FAM174B: variants seen among roughly 807,000 people sequenced by gnomAD.
The protein encoded by FAM174B is membrane protein FAM174B.
In FAM174B, 12 loss-of-function variants were observed where a neutral mutation model predicts 10.9. The ratio of observed to expected loss-of-function variants is 1.10; its 90% CI spans 0.71 to 1.79. The LOEUF is 1.79. FAM174B is among the 40% of genes most tolerant of loss of function. FAM174B has a pLI of 0.00. For missense variants in FAM174B, 266 were observed against 233.3 expected, an observed-to-expected ratio of 1.14 and a Z score of -0.91; for synonymous variants, 132 against 115.8, an observed-to-expected ratio of 1.14 and a Z score of -0.90.
At chr15:92,644,641 G>A (rs1353783981) in intron 1 of FAM174B, among the ~76,000 whole-genome samples, 1 of 152,124 alleles carries the variant, frequency 6.6e-6, no homozygotes, top group Non-Finnish European at 1.5e-5. Flanking sequence ...AAGCACCATG[G>A]CTCAACATAC....
intron 1 of FAM174B, among the ~76,000 whole-genome samples, 151 bp from the exon 2 acceptor site, chr15:92,630,496 C>T (rs532443404): frequency 6.6e-6 from 1 of 151,976 alleles, no homozygotes; most frequent in East Asian, 1.9e-4. Context: ...TGATGGAAGG[C>T]AAACCACACT....
chr15:92,640,462 G>C (rs2050883183), intron 1 of FAM174B, among the ~76,000 whole-genome samples: 1 of 136,102 alleles, frequency 7.3e-6, no homozygotes, highest in South Asian at 2.4e-4. Flanking sequence ...TGAGGCAAGA[G>C]AATTGCTTGA....
At chr15:92,653,950 C>G (rs1398968783) in intron 1 of FAM174B, among the ~76,000 whole-genome samples, 1 of 152,136 alleles carries the variant, frequency 6.6e-6, no homozygotes, top group Non-Finnish European at 1.5e-5. Context: ...AGTTTGTAAA[C>G]AGAGGATTGA....
chr15:92,621,260 A>G (rs1180926770), intron 2 of FAM174B, among the ~76,000 whole-genome samples: 1 of 152,216 alleles, frequency 6.6e-6, no homozygotes, highest in Non-Finnish European at 1.5e-5. Context: ...GGTGTTCCCT[A>G]CGCTATTTTT....
At chr15:92,631,874 G>C (rs150682774) in intron 1 of FAM174B, among the ~76,000 whole-genome samples, 1 of 152,294 alleles carries the variant, frequency 6.6e-6, no homozygotes, top group East Asian at 1.9e-4. Context: ...AATGAGGACC[G>C]GGTTTGTCAC....
At chr15:92,643,370 G>GTGTA (rs1319051264) in intron 1 of FAM174B, among the ~76,000 whole-genome samples, 8 of 151,824 alleles carry the variant, frequency 5.3e-5, no homozygotes, top group African/African-American at 7.3e-5. Context: ...GTGTGTGTGT[G>GTGTA]TGTGTGTATG....
At chr15:92,638,797 G>A (rs2050872097) in intron 1 of FAM174B, among the ~76,000 whole-genome samples, 1 of 152,160 alleles carries the variant, frequency 6.6e-6, no homozygotes, top group South Asian at 2.1e-4. Context: ...ATCGCAACCA[G>A]GCTGGGTTTT....
intron 1 of FAM174B, among the ~76,000 whole-genome samples, chr15:92,644,502 C>G (rs541801349): frequency 6.6e-6 from 1 of 152,206 alleles, no homozygotes; most frequent in South Asian, 2.1e-4. Context: ...CCAGCTCCGG[C>G]AGAACCCTCC....
intron 1 of FAM174B, among the ~76,000 whole-genome samples, chr15:92,654,104 T>C (rs891712832): frequency 5.3e-5 from 8 of 152,192 alleles, no homozygotes; most frequent in Non-Finnish European, 8.8e-5. Flanking sequence ...CTTTCTCCAT[T>C]TTCTCAGACC....
Position 92,619,100 on chromosome 15 carries a change from T to C in FAM174B, c.*356A>G, listed in dbSNP as rs1372258151. On this transcript the variant is annotated 3_prime_UTR_variant, in exon 3 of 3. Transcript: ENST00000327355. Reference sequence around the variant, plus strand: ...TTTTAGATTCTTGATCCTCCTGATCTCTTTTACTATTGTCAACAATTGTCT... The same window carrying C: ...TTTTAGATTCTTGATCCTCCTGATCCCTTTTACTATTGTCAACAATTGTCT... 1.6e-6 allele frequency: 1 copy of C among 644,348 alleles called. No individual in the cohort carries two copies. Among genetic ancestry groups the C allele is most frequent in the Non-Finnish European group, 2.8e-6 (1 of 358,758 alleles). 39.9% of individuals were successfully genotyped at this position (644,348 alleles called of 1,614,324 possible). A position where few individuals can be genotyped will look rare whatever the true frequency, so the allele number is the denominator to read the frequency against.
intron 1 of FAM174B, among the ~76,000 whole-genome samples, chr15:92,636,109 GCTCT>G (rs2050854479): frequency 6.6e-6 from 1 of 152,128 alleles, no homozygotes; most frequent in African/African-American, 2.4e-5. Context: ...ACCAAGTCTG[GCTCT>G]CTCTTCTCTA....
At chr15:92,644,311 A>G (rs1254626394) in intron 1 of FAM174B, among the ~76,000 whole-genome samples, 1 of 151,958 alleles carries the variant, frequency 6.6e-6, no homozygotes, top group Admixed American at 6.6e-5. Context: ...GCTCCACCCG[A>G]CACCTTCCAC....
In FAM174B at chr15:92,627,306, TTG is replaced by T. The variant is rs1444960349; in HGVS notation, c.476+2906_476+2907del. On this transcript the variant is annotated intron_variant, in intron 2 of 2. Transcript: ENST00000327355. ...TACCAGGTGGTTTACCTTTAGTAGT[TTG>T]TTTGTTTCACAGCCAGCAGCAATGC... 3 of 165,020 alleles carry T rather than the reference TTG, an allele frequency of 1.8e-5. No homozygotes were observed. In the East Asian group the frequency reaches 5.8e-4, roughly 32 times the overall value. 10.2% of individuals were successfully genotyped at this position (165,020 alleles called of 1,614,324 possible). A position where few individuals can be genotyped will look rare whatever the true frequency, so the allele number is the denominator to read the frequency against.
At chr15:92,629,851 A>C (rs536303954) in intron 2 of FAM174B, among the ~76,000 whole-genome samples, 1 of 152,244 alleles carries the variant, frequency 6.6e-6, no homozygotes, top group Non-Finnish European at 1.5e-5. Context: ...AATAAGTCTC[A>C]CAAGACCTGA....
intron 2 of FAM174B, among the ~76,000 whole-genome samples, chr15:92,626,008 C>T (rs2050749907): frequency 6.6e-6 from 1 of 152,072 alleles, no homozygotes; most frequent in African/African-American, 2.4e-5. Flanking sequence ...GACTTGGGAG[C>T]AGGGACAGGG....
At chr15:92,620,535 C>T (rs773996855) in intron 2 of FAM174B, among the ~76,000 whole-genome samples, 4 of 151,590 alleles carry the variant, frequency 2.6e-5, no homozygotes, top group Admixed American at 6.6e-5. Context: ...AAATCTGTGG[C>T]CAGGCTTGGT....
intron 2 of FAM174B, chr15:92,619,693 C>T (rs1255399841): frequency 8.5e-6 from 5 of 586,842 alleles, no homozygotes; most frequent in East Asian, 2.8e-5. Flanking sequence ...CACACAGACT[C>T]CCTAGAACAC....
rs373539667 is a variant in FAM174B at position 92,655,423 on chromosome 15, G to A, written c.237C>T (p.Thr79=). Residue 79 remains threonine (T), a synonymous_variant, in exon 1 of 3, where the codon ACC becomes ACT. Coordinates refer to ENST00000327355, the MANE Select transcript of FAM174B (RefSeq NM_207446.3). ...SSNSSGDALV[T]RISILLRDLP... The stretch of plus-strand genomic sequence containing the variant: ...GGTCGCGGAGGAGGATGGAAATGCG[G>A]GTCACCAAGGCGTCGCCACTGCTGT... The A allele has an allele frequency of 4.4e-6, 7 of 1,594,072 alleles. No individual in the cohort carries two copies. The highest frequency in any genetic ancestry group is 6.0e-6 in the Non-Finnish European group (7 of 1,173,412).
chr15:92,631,395 T>TAATATATTA (rs1201544808), intron 1 of FAM174B, among the ~76,000 whole-genome samples: 26 of 22,396 alleles, frequency 1.2e-3, no homozygotes, highest in Non-Finnish European at 1.2e-3. Flanking sequence ...ATATTATATA[T>TAATATATTA]TATATTATAT....
Sources: gnomAD v4.1 joint callset for allele counts (sites outside exome capture counted in the v4.1 genomes callset) on GRCh38, gnomAD v4.1.1 for gene constraint, MANE v1.5 for transcripts, NCBI Gene and HGNC (gene_info 2026-07-23, HGNC 2026-07-21) for gene names.